Variants in RFX7 observed in about 807,000 individuals in gnomAD.
RFX7 encodes the protein DNA-binding protein RFX7.
A neutral mutation model predicts 111.8 loss-of-function variants in RFX7; 26 were observed. The observed-to-expected ratio is 0.23, with a 90% CI of 0.17 to 0.32. The LOEUF (loss-of-function observed/expected upper bound fraction) is 0.32. Among genes scored for constraint, RFX7 ranks in the 10% least tolerant of loss-of-function variants. The probability of loss-of-function intolerance (pLI) is 1.00; values close to 1 mark genes in which losing one functional copy is unlikely to be tolerated. For synonymous variants in RFX7, 624 were observed against 624.4 expected (o/e 1.00, Z 0.01); for missense variants, 1,573 against 1,772.9 (o/e 0.89, Z 2.02).
At chr15:56,161,034 A>G (rs2042714135) in intron 3 of RFX7, among the ~76,000 whole-genome samples, 1 of 152,090 alleles carries the variant, frequency 6.6e-6, no homozygotes, top group South Asian at 2.1e-4. Context: ...CTATTGAATT[A>G]GGTATATAAA....
chr15:56,141,656 A>AT (rs1555421058), intron 5 of RFX7, among the ~76,000 whole-genome samples: 6 of 83,208 alleles, frequency 7.2e-5, no homozygotes, highest in Non-Finnish European at 6.6e-5. Context: ...GCTTACTCTA[A>AT]ATATATATAT....
intron 5 of RFX7, among the ~76,000 whole-genome samples, chr15:56,107,139 T>C (rs2041839749): frequency 6.6e-6 from 1 of 151,492 alleles, no homozygotes; most frequent in African/African-American, 2.4e-5. Flanking sequence ...CTACTAAAAA[T>C]ACAAAAAATT....
At position 56,095,829 on chromosome 15, in the gene RFX7, G is replaced by C; in HGVS notation, c.1899C>G (p.Phe633Leu). ...CATTAGGTGGTGAGCTGCTGCTGGTGAAAGTTAAGTTCTGAGAAGCAACTG... is the reference window on the plus strand; with the variant it reads ...CATTAGGTGGTGAGCTGCTGCTGGTCAAAGTTAAGTTCTGAGAAGCAACTG... ...TLSVASQNLT[F>L]TSSSSPPNGD... The change falls in exon 10 of 10, where the codon TTC becomes TTG. Residue 633 changes from phenylalanine to leucine, a missense_variant. Around this residue, in one of 7 missense-constraint regions of RFX7, gnomAD observed 625 missense variants for 632.2 expected, o/e 0.99. Coordinates refer to ENST00000559447, the MANE Select transcript of RFX7 (RefSeq NM_022841.7). 1 of 1,610,242 alleles carries C rather than the reference G, an allele frequency of 6.2e-7. No homozygotes were observed. Among genetic ancestry groups the C allele is most frequent in the South Asian group, 1.1e-5 (1 of 91,078 alleles).
intron 5 of RFX7, among the ~76,000 whole-genome samples, chr15:56,129,266 T>C (rs1046602523): frequency 6.6e-6 from 1 of 150,694 alleles, no homozygotes; most frequent in Non-Finnish European, 1.5e-5. Context: ...TCCCAGCAAC[T>C]GGGGAGGCTG....
intron 2 of RFX7, among the ~76,000 whole-genome samples, chr15:56,201,140 T>C (rs1490124008): frequency 1.3e-5 from 2 of 152,176 alleles, no homozygotes; most frequent in Non-Finnish European, 2.9e-5. Flanking sequence ...GAACATTTCT[T>C]AAAACTGTAG....
intron 5 of RFX7, among the ~76,000 whole-genome samples, chr15:56,122,281 G>A (rs1229890878): frequency 6.6e-6 from 1 of 152,102 alleles, no homozygotes; most frequent in East Asian, 1.9e-4. Context: ...CAGATTCACA[G>A]AGGTACCACC....
At chr15:56,238,000 G>C (rs2043644214) in intron 2 of RFX7, among the ~76,000 whole-genome samples, 1 of 152,190 alleles carries the variant, frequency 6.6e-6, no homozygotes, top group Non-Finnish European at 1.5e-5. Flanking sequence ...CAGCTGATGT[G>C]CTAGTCGGTC....
intron 5 of RFX7, among the ~76,000 whole-genome samples, chr15:56,138,306 G>A (rs1210219652): frequency 6.7e-6 from 1 of 148,998 alleles, no homozygotes; most frequent in Non-Finnish European, 1.5e-5. Context: ...CTCTTGTATT[G>A]GGTGCATATA....
rs1272533210 is a variant in RFX7, at chr15:56,093,298, A to G, written c.*47T>C. ...AGGCACTTCCATTAAGACAAATACA[A>G]TACATATGTCTTTAGATACAGTGTG... On this transcript the variant is annotated 3_prime_UTR_variant, in exon 10 of 10. Transcript: ENST00000559447. The G allele has an allele frequency of 6.8e-7, 1 of 1,462,438 alleles. No homozygotes were observed. Among genetic ancestry groups the G allele is most frequent in the African/African-American group, 1.4e-5 (1 of 71,424 alleles). 90.6% of individuals were successfully genotyped at this position (1,462,438 alleles called of 1,614,324 possible). A position where few individuals can be genotyped will look rare whatever the true frequency, so the allele number is the denominator to read the frequency against.
intron 5 of RFX7, among the ~76,000 whole-genome samples, chr15:56,107,747 A>G (rs1410782621): frequency 2.6e-5 from 4 of 152,228 alleles, no homozygotes; most frequent in Non-Finnish European, 4.4e-5. Flanking sequence ...ATTGATAACT[A>G]TAAGCATACT....
At chr15:56,212,137 T>C (rs2043318731) in intron 2 of RFX7, among the ~76,000 whole-genome samples, 1 of 152,100 alleles carries the variant, frequency 6.6e-6, no homozygotes. Flanking sequence ...GGATAAACAG[T>C]GGTATATCTA....
At chr15:56,126,672 T>C (rs1309657872) in intron 5 of RFX7, among the ~76,000 whole-genome samples, 2 of 152,176 alleles carry the variant, frequency 1.3e-5, no homozygotes, top group South Asian at 2.1e-4. Context: ...TACATACTTA[T>C]ATTCAAAGAC....
chr15:56,205,157 C>A (rs1284777963), intron 2 of RFX7, among the ~76,000 whole-genome samples: 2 of 152,164 alleles, frequency 1.3e-5, no homozygotes, highest in African/African-American at 4.8e-5. Flanking sequence ...AATGCTCTTT[C>A]TACATCACCA....
rs2140505858 is a variant in RFX7, at chr15:56,091,431, A to G, written c.*1914T>C. 1 of 152,686 alleles carries G rather than the reference A, an allele frequency of 6.5e-6. No individual in the cohort carries two copies. Among genetic ancestry groups the G allele is most frequent in the Admixed American group, 6.5e-5 (1 of 15,290 alleles). 9.5% of individuals were successfully genotyped at this position (152,686 alleles called of 1,614,324 possible). On this transcript the variant is annotated 3_prime_UTR_variant, in exon 10 of 10. Coordinates refer to ENST00000559447, the MANE Select transcript of RFX7 (RefSeq NM_022841.7). ...TAAAGAGTTTGCTGCAATACTGTAC[A>G]AGGGGTTAAAAATCCTCCAGTCTTA...
chr15:56,239,444 A>G (rs1335648377), intron 2 of RFX7, among the ~76,000 whole-genome samples: 1 of 151,068 alleles, frequency 6.6e-6, no homozygotes, highest in Non-Finnish European at 1.5e-5. Context: ...AATTTTTTGT[A>G]TTTTTAGTAG....
At chr15:56,183,936 G>C (rs758147818) in intron 2 of RFX7, among the ~76,000 whole-genome samples, 2 of 151,856 alleles carry the variant, frequency 1.3e-5, no homozygotes, top group Non-Finnish European at 2.9e-5. Context: ...TCTGTGTGTT[G>C]ATGTTCAGGC....
chr15:56,180,841 C>A (rs1300735586), intron 2 of RFX7, among the ~76,000 whole-genome samples: 1 of 151,762 alleles, frequency 6.6e-6, no homozygotes, highest in African/African-American at 2.4e-5. Context: ...TGCTTGAACC[C>A]GGGAGGCAGA....
intron 2 of RFX7, among the ~76,000 whole-genome samples, chr15:56,233,449 T>A (rs1185329647): frequency 2.6e-5 from 4 of 152,110 alleles, no homozygotes; most frequent in Non-Finnish European, 5.9e-5. Context: ...CAAGATGAGA[T>A]CTGGGTGGGG....
intron 2 of RFX7, among the ~76,000 whole-genome samples, chr15:56,220,884 A>G (rs2043419974): frequency 6.6e-6 from 1 of 152,168 alleles, no homozygotes; most frequent in African/African-American, 2.4e-5. Context: ...TCCAGTTTCA[A>G]TTCTCTGCAT....
Sources: allele counts gnomAD v4.1 joint callset (sites outside exome capture counted in the v4.1 genomes callset), GRCh38; gene constraint gnomAD v4.1.1; regional missense constraint gnomAD v4.1.1; transcripts MANE v1.5; gene names NCBI Gene and HGNC (gene_info 2026-07-23, HGNC 2026-07-21).